Variants in WDPCP observed in about 807,000 individuals in gnomAD.
WDPCP encodes WD repeat containing planar cell polarity effector.
A neutral mutation model predicts 93.1 loss-of-function variants in WDPCP; 71 were observed. The observed-to-expected ratio is 0.76, with a 90% CI of 0.63 to 0.93. The LOEUF is 0.93. Among genes scored for constraint, WDPCP ranks in the 40% least tolerant of loss-of-function variants. The pLI, the probability that WDPCP is intolerant of heterozygous loss-of-function variation, is 0.00. For synonymous variants in WDPCP, 315 were observed against 315.0 expected (o/e 1.00, Z 0.00); for missense variants, 844 against 887.4 (o/e 0.95, Z 0.62).
intron 2 of WDPCP, among the ~76,000 whole-genome samples, chr2:63,725,081 G>T (rs1293526023): frequency 1.3e-5 from 2 of 152,092 alleles, no homozygotes; most frequent in African/African-American, 4.8e-5. Flanking sequence ...GAGGGGACAC[G>T]TGCAGGTTTG....
intron 1 of WDPCP, among the ~76,000 whole-genome samples, chr2:63,582,593 T>C (rs1336533177): frequency 2.0e-5 from 3 of 151,496 alleles, no homozygotes; most frequent in Non-Finnish European, 4.4e-5. Context: ...ACAAGAAACA[T>C]AAAAAAGACT....
intron 17 of WDPCP, among the ~76,000 whole-genome samples, chr2:63,125,110 A>G (rs1669805770): frequency 6.6e-6 from 1 of 152,240 alleles, no homozygotes; most frequent in African/African-American, 2.4e-5. Context: ...TTGGTATCAT[A>G]TATAGGTTTC....
intron 2 of WDPCP, among the ~76,000 whole-genome samples, chr2:63,785,835 T>A (rs1024928873): frequency 1.3e-5 from 2 of 152,208 alleles, no homozygotes; most frequent in Non-Finnish European, 2.9e-5. Context: ...AGATATTTTT[T>A]AAAAGACTTT....
At chr2:63,210,245 A>T (rs988161749) in intron 14 of WDPCP, among the ~76,000 whole-genome samples, 1 of 152,128 alleles carries the variant, frequency 6.6e-6, no homozygotes, top group African/African-American at 2.4e-5. Flanking sequence ...AGACTGGATG[A>T]CTACAGAACA....
At chr2:63,700,929 T>C (rs1208868439) in intron 2 of WDPCP, among the ~76,000 whole-genome samples, 1 of 152,182 alleles carries the variant, frequency 6.6e-6, no homozygotes, top group African/African-American at 2.4e-5. Flanking sequence ...GAAGAAAACA[T>C]TGGGGAAATA....
intron 2 of WDPCP, among the ~76,000 whole-genome samples, chr2:63,714,984 A>T (rs1468067527): frequency 2.0e-5 from 3 of 152,284 alleles, no homozygotes. Flanking sequence ...TTATTCAGTC[A>T]TAAAAAAAGA....
intron 3 of WDPCP, among the ~76,000 whole-genome samples, chr2:63,630,088 T>A (rs527713767): frequency 6.6e-6 from 1 of 152,060 alleles, no homozygotes; most frequent in Non-Finnish European, 1.5e-5. Context: ...AAGCTAAGCA[T>A]AAGTGATGTG....
chr2:63,448,446 AC>A (rs1698009160), intron 6 of WDPCP, among the ~76,000 whole-genome samples: 1 of 151,650 alleles, frequency 6.6e-6, no homozygotes, highest in Admixed American at 6.6e-5. Context: ...CAACACACAC[AC>A]ACACACACAC....
intron 17 of WDPCP, among the ~76,000 whole-genome samples, chr2:63,140,322 A>T (rs1369062979): frequency 6.6e-6 from 1 of 152,088 alleles, no homozygotes; most frequent in Non-Finnish European, 1.5e-5. Flanking sequence ...TATGAATTTT[A>T]GAATTGTTTT....
intron 2 of WDPCP, among the ~76,000 whole-genome samples, chr2:63,694,354 TA>T (rs1301592830): frequency 7.2e-5 from 11 of 152,270 alleles, no homozygotes; most frequent in Non-Finnish European, 1.5e-5. Context: ...TGTTGAGAGG[TA>T]CCTTATAATC....
chr2:63,408,088 G>C (rs1358357769), intron 9 of WDPCP, among the ~76,000 whole-genome samples: 1 of 152,168 alleles, frequency 6.6e-6, no homozygotes, highest in African/African-American at 2.4e-5. Flanking sequence ...AGGTGGATGG[G>C]AGGCAGATCT....
chr2:63,713,765 T>C (rs1487705471), intron 2 of WDPCP, among the ~76,000 whole-genome samples: 2 of 152,232 alleles, frequency 1.3e-5, no homozygotes, highest in Admixed American at 6.5e-5. Flanking sequence ...CTCATCAGAA[T>C]TGGCTTCTTC....
At position 63,439,695 on chromosome 2, in the gene WDPCP, C is replaced by A. The variant is rs560244873; in HGVS notation, c.499+62G>T. ...TGGTAATAATTAGTCTACCTGTTGA[C>A]ACACTATTTCTCCTGCCCCACTGTT... On this transcript the variant is annotated intron_variant, in intron 7 of 17. Coordinates refer to ENST00000272321, the MANE Select transcript of WDPCP (RefSeq NM_015910.7). 191 of 1,432,402 alleles carry A rather than the reference C, an allele frequency of 1.3e-4. 1 individual carries two copies. In the South Asian group the frequency reaches 2.2e-3, roughly 16 times the overall value. The allele number at this position is 1,432,402 out of a possible 1,614,324, so 88.7% of individuals were successfully genotyped here.
At chr2:63,790,011 T>C (rs1464619293) in intron 2 of WDPCP, among the ~76,000 whole-genome samples, 1 of 152,232 alleles carries the variant, frequency 6.6e-6, no homozygotes, top group African/African-American at 2.4e-5. Context: ...CCTAAAATAA[T>C]GTTTAACCTC....
chr2:63,330,496 T>C (rs1687899039), intron 12 of WDPCP, among the ~76,000 whole-genome samples: 5 of 152,206 alleles, frequency 3.3e-5, no homozygotes. Flanking sequence ...CCCAGCTATA[T>C]GGTTTGCAAA....
At chr2:63,333,185 T>G (rs1366430054) in intron 12 of WDPCP, among the ~76,000 whole-genome samples, 2 of 152,216 alleles carry the variant, frequency 1.3e-5, no homozygotes, top group African/African-American at 4.8e-5. Context: ...GTCTGGGGAC[T>G]CATGCCCTAC....
intron 14 of WDPCP, among the ~76,000 whole-genome samples, chr2:63,220,860 C>G (rs1282297191): frequency 6.6e-6 from 1 of 152,158 alleles, no homozygotes; most frequent in African/African-American, 2.4e-5. Flanking sequence ...CTCCCTCCCC[C>G]TGCCCACCAA....
upstream of WDPCP, chr2:63,593,704 T>G: frequency 2.1e-6 from 1 of 471,284 alleles, no homozygotes; most frequent in South Asian, 1.5e-5. Flanking sequence ...TTAACTGAAT[T>G]TTTCTGTCTA....
intron 13 of WDPCP, 107 bp downstream of exon 13, chr2:63,313,141 C>A: frequency 9.8e-7 from 1 of 1,016,968 alleles, no homozygotes; most frequent in Non-Finnish European, 1.5e-6. Context: ...TGCTTTCCCA[C>A]CCTGTGTCTA....
Sources: allele counts gnomAD v4.1 joint callset (sites outside exome capture counted in the v4.1 genomes callset), GRCh38; gene constraint gnomAD v4.1.1; transcripts MANE v1.5; gene names NCBI Gene and HGNC (gene_info 2026-07-23, HGNC 2026-07-21).